The following FBLN5 variants were observed in gnomAD, a reference collection of about 807,000 sequenced individuals.
The protein encoded by FBLN5 is fibulin 5.
FBLN5 carries 24 observed loss-of-function variants against 61.6 expected under a neutral mutation model. The observed-to-expected ratio is 0.39, with a 90% CI of 0.28 to 0.55. The LOEUF is 0.55. FBLN5 is among the 20% of genes least tolerant of loss of function. The pLI is 0.65. For missense variants in FBLN5, 470 were observed against 594.1 expected (o/e 0.79, Z 2.17); for synonymous variants, 213 against 219.8 (o/e 0.97, Z 0.27).
intron 1 of FBLN5, among the ~76,000 whole-genome samples, chr14:91,944,042 A>T (rs1213861655): frequency 6.6e-6 from 1 of 152,134 alleles, no homozygotes; most frequent in Non-Finnish European, 1.5e-5. Flanking sequence ...TTAAAAATAC[A>T]AAAGCAGCCG....
Position 91,877,677 on chromosome 14 carries a change from C to T in FBLN5, c.995G>A (p.Cys332Tyr). The T allele has an allele frequency of 6.2e-7, 1 of 1,613,868 alleles. No homozygotes were observed. Among genetic ancestry groups the T allele is most frequent in the Non-Finnish European group, 8.5e-7 (1 of 1,179,768 alleles). The change falls in exon 10 of 11, where the codon TGT becomes TAT. Residue 332 changes from cysteine (C) to tyrosine (Y), a missense_variant. Transcript: ENST00000342058. ...GCCAGGGTTCTCAGCAGGACACATA[C>T]AGCGGCTGTGGAAAGGGAAATCACG... ...EPYLRISDNR[C>Y]MCPAENPGCR... is the part of the protein sequence containing the mutation.
At chr14:91,873,002 C>A (rs1359119044) in intron 10 of FBLN5, among the ~76,000 whole-genome samples, 1 of 152,182 alleles carries the variant, frequency 6.6e-6, no homozygotes, top group Non-Finnish European at 1.5e-5. Flanking sequence ...TGGTAAATGT[C>A]TCCTGAGTAC....
chr14:91,929,160 T>C (rs2055883193), intron 4 of FBLN5, among the ~76,000 whole-genome samples: 2 of 151,078 alleles, frequency 1.3e-5, no homozygotes, highest in South Asian at 4.2e-4. Flanking sequence ...TGTTTATCAG[T>C]GCATTAAAAA....
intron 4 of FBLN5, among the ~76,000 whole-genome samples, chr14:91,927,862 G>T (rs942992638): frequency 6.6e-6 from 1 of 152,258 alleles, no homozygotes; most frequent in Non-Finnish European, 1.5e-5. Flanking sequence ...TTCCAGAGTG[G>T]AGTAGAAATA....
intron 4 of FBLN5, among the ~76,000 whole-genome samples, chr14:91,920,650 C>A (rs1482676139): frequency 6.6e-6 from 1 of 152,174 alleles, no homozygotes; most frequent in Non-Finnish European, 1.5e-5. Context: ...TTCCTCAACC[C>A]CCTTGGGCAG....
chr14:91,870,346 G>A lies in FBLN5; in HGVS notation c.1225C>T (p.Pro409Ser), dbSNP rs1487187633. The change falls in exon 11 of 11, where the codon CCC becomes TCC. Residue 409 changes from proline to serine, a missense_variant. Pro to Ser is a moderately conservative substitution (Grantham distance 74). Transcript: ENST00000342058. ...TGGATTTCCCGGGGCCCTTTGATGG[G>A]GCGTGTCATCACCAGGGTGGCACTG... ...PISATLVMTR[P>S]IKGPREIQLD... The A allele has an allele frequency of 6.2e-7, 1 of 1,614,004 alleles. No homozygotes were observed. The highest frequency in any genetic ancestry group is 1.3e-5 in the African/African-American group (1 of 74,916).
At chr14:91,873,279 G>A (rs959835790) in intron 10 of FBLN5, among the ~76,000 whole-genome samples, 3 of 152,232 alleles carry the variant, frequency 2.0e-5, no homozygotes, top group Non-Finnish European at 4.4e-5. Flanking sequence ...GAGGATGGTG[G>A]CGACAGTGAT....
intron 9 of FBLN5, among the ~76,000 whole-genome samples, chr14:91,878,988 G>A (rs71430741): frequency 0.038 from 5,803 of 152,272 alleles, 130 homozygotes; most frequent in East Asian, 0.084. Context: ...GCTGAGGCAG[G>A]ACGATTGTTT....
intron 4 of FBLN5, among the ~76,000 whole-genome samples, chr14:91,932,101 T>C (rs991410778): frequency 1.3e-5 from 2 of 152,044 alleles, no homozygotes; most frequent in Admixed American, 1.3e-4. Flanking sequence ...TCTGTCTGGC[T>C]CTCCCTCCCC....
chr14:91,923,510 G>C (rs2055776131), intron 4 of FBLN5, among the ~76,000 whole-genome samples: 1 of 152,174 alleles, frequency 6.6e-6, no homozygotes, highest in Non-Finnish European at 1.5e-5. Flanking sequence ...GAACTTTCTT[G>C]TCTCCATGTC....
intron 1 of FBLN5, chr14:91,946,933 A>G: frequency 6.9e-7 from 1 of 1,456,418 alleles, no homozygotes; most frequent in East Asian, 2.5e-5. Flanking sequence ...TGCCCTTTCC[A>G]GAAAAGAAAG....
intron 5 of FBLN5, among the ~76,000 whole-genome samples, chr14:91,893,078 C>T (rs113501139): frequency 1.3e-5 from 2 of 152,162 alleles, no homozygotes; most frequent in African/African-American, 4.8e-5. Flanking sequence ...CCGGTCTCCC[C>T]CTACCACTCC....
intron 10 of FBLN5, chr14:91,874,055 G>A (rs1469034208): frequency 6.6e-6 from 1 of 152,224 alleles, no homozygotes; most frequent in Non-Finnish European, 1.5e-5. Context: ...CTTATGAATG[G>A]GCTTGTGTGT....
At chr14:91,919,569 C>A (rs186296075) in intron 4 of FBLN5, among the ~76,000 whole-genome samples, 1 of 152,234 alleles carries the variant, frequency 6.6e-6, no homozygotes, top group Admixed American at 6.5e-5. Context: ...AATGTGACTG[C>A]AATTGGGGAC....
chr14:91,925,611 G>A (rs8023114), intron 4 of FBLN5, among the ~76,000 whole-genome samples: 45,787 of 152,086 alleles, frequency 0.3, 7,541 homozygotes, highest in East Asian at 0.37. Context: ...CCCCATGGCA[G>A]GAAAACAAAG....
At chr14:91,907,092 C>G (rs1890715183) in intron 4 of FBLN5, among the ~76,000 whole-genome samples, 1 of 152,180 alleles carries the variant, frequency 6.6e-6, no homozygotes, top group South Asian at 2.1e-4. Flanking sequence ...TATCTATTCT[C>G]CCAACCAAAG....
At chr14:91,903,540 C>T (rs768145258) in intron 4 of FBLN5, among the ~76,000 whole-genome samples, 10 of 152,176 alleles carry the variant, frequency 6.6e-5, no homozygotes, top group Non-Finnish European at 1.3e-4. Context: ...CCTGTAATCT[C>T]CCCATCTCCC....
intron 2 of FBLN5, chr14:91,942,269 G>C: frequency 2.3e-6 from 1 of 439,338 alleles, no homozygotes; most frequent in Admixed American, 2.5e-5. Context: ...TTACTCCTCT[G>C]AGGGGTTTCA....
chr14:91,901,622 G>A (rs895933722), intron 4 of FBLN5, among the ~76,000 whole-genome samples: 1 of 152,140 alleles, frequency 6.6e-6, no homozygotes. Context: ...GCCAAGGCTG[G>A]AAGCTACACA....
Sources: gnomAD v4.1 joint callset for allele counts (sites outside exome capture counted in the v4.1 genomes callset) on GRCh38, gnomAD v4.1.1 for gene constraint, MANE v1.5 for transcripts, NCBI Gene and HGNC (gene_info 2026-07-23, HGNC 2026-07-21) for gene names.